The following LDB2 variants were observed in gnomAD, a reference collection of about 807,000 sequenced individuals.
LDB2 encodes LIM domain binding 2, also known as LIM domain-binding protein 2.
A neutral mutation model predicts 44.3 loss-of-function variants in LDB2; 12 were observed. The observed-to-expected ratio is 0.27, with a 90% CI of 0.17 to 0.44. The LOEUF (loss-of-function observed/expected upper bound fraction) is 0.44, where lower values mean the gene tolerates loss of function less well. LDB2 is among the 20% of genes least tolerant of loss of function. The pLI is 1.00. For missense variants in LDB2, 344 were observed against 473.5 expected (o/e 0.73, Z 2.54); for synonymous variants, 164 against 174.8 (o/e 0.94, Z 0.49).
intron 1 of LDB2, among the ~76,000 whole-genome samples, chr4:16,890,381 G>A (rs566254028): frequency 6.6e-6 from 1 of 152,288 alleles, no homozygotes; most frequent in African/African-American, 2.4e-5. Context: ...TTAAGAGGCC[G>A]TCCTGATTCC....
At chr4:16,560,762 C>T (rs1342946840) in intron 5 of LDB2, among the ~76,000 whole-genome samples, 1 of 151,932 alleles carries the variant, frequency 6.6e-6, no homozygotes, top group Non-Finnish European at 1.5e-5. Context: ...GAGACACAAC[C>T]AAAAAAGAGA....
intron 1 of LDB2, among the ~76,000 whole-genome samples, chr4:16,850,010 A>G (rs562152517): frequency 6.6e-6 from 1 of 152,316 alleles, no homozygotes; most frequent in African/African-American, 2.4e-5. Context: ...TCCAACATAT[A>G]TTAATAAACT....
At chr4:16,690,913 A>G (rs1040787312) in intron 2 of LDB2, among the ~76,000 whole-genome samples, 8 of 152,216 alleles carry the variant, frequency 5.3e-5, no homozygotes, top group African/African-American at 1.9e-4. Context: ...CTTGAGTCAG[A>G]TAGACCGTTT....
intron 3 of LDB2, among the ~76,000 whole-genome samples, chr4:16,593,545 G>A (rs1225946663): frequency 6.6e-6 from 1 of 152,008 alleles, no homozygotes; most frequent in African/African-American, 2.4e-5. Flanking sequence ...AAAAATAAAT[G>A]TGCATAATTA....
chr4:16,652,454 A>G (rs1738554368), intron 2 of LDB2, among the ~76,000 whole-genome samples: 1 of 152,182 alleles, frequency 6.6e-6, no homozygotes, highest in Non-Finnish European at 1.5e-5. Context: ...TTGCCGAGTG[A>G]GAAGCCCTGG....
chr4:16,773,208 G>C (rs1017904715), intron 1 of LDB2, among the ~76,000 whole-genome samples: 1 of 152,194 alleles, frequency 6.6e-6, no homozygotes, highest in Admixed American at 6.5e-5. Flanking sequence ...GCTATAAGCC[G>C]TCAGTCCCCA....
At chr4:16,625,446 T>G (rs975669085) in intron 2 of LDB2, among the ~76,000 whole-genome samples, 5 of 152,204 alleles carry the variant, frequency 3.3e-5, no homozygotes, top group Non-Finnish European at 7.3e-5. Flanking sequence ...TTCATGAGAC[T>G]GTAAGCTCTT....
chr4:16,504,927 C>T (rs1056398530), intron 7 of LDB2, among the ~76,000 whole-genome samples: 3 of 152,140 alleles, frequency 2.0e-5, no homozygotes, highest in Non-Finnish European at 2.9e-5. Context: ...CGTAAGGCGT[C>T]ACAGGGCAGG....
At chr4:16,739,586 AAAAAT>A (rs1346650955) in intron 2 of LDB2, among the ~76,000 whole-genome samples, 4 of 72,358 alleles carry the variant, frequency 5.5e-5, no homozygotes, top group Admixed American at 1.5e-4. Flanking sequence ...AAAAAAAAAA[AAAAAT>A]ATATATATAT....
chr4:16,705,617 G>C (rs964827410), intron 2 of LDB2, among the ~76,000 whole-genome samples: 2 of 152,188 alleles, frequency 1.3e-5, no homozygotes, highest in African/African-American at 4.8e-5. Context: ...GAAAAATATA[G>C]AGGCTTTTTG....
chr4:16,865,946 A>G (rs1009648269), intron 1 of LDB2, among the ~76,000 whole-genome samples: 1 of 152,116 alleles, frequency 6.6e-6, no homozygotes, highest in African/African-American at 2.4e-5. Context: ...CCCCTGCTCC[A>G]GTGTTCCCCT....
chr4:16,745,445 T>C (rs1279983206), intron 2 of LDB2, among the ~76,000 whole-genome samples: 2 of 152,222 alleles, frequency 1.3e-5, no homozygotes, highest in African/African-American at 4.8e-5. Context: ...TAAGCATAAA[T>C]CTTCAAATTT....
chr4:16,539,116 G>A (rs1732864456), intron 5 of LDB2, among the ~76,000 whole-genome samples: 1 of 152,192 alleles, frequency 6.6e-6, no homozygotes, highest in South Asian at 2.1e-4. Flanking sequence ...TATGTATGTA[G>A]GGAGGTACCC....
chr4:16,769,429 T>C (rs1432814173), intron 1 of LDB2, among the ~76,000 whole-genome samples: 1 of 152,056 alleles, frequency 6.6e-6, no homozygotes, highest in Non-Finnish European at 1.5e-5. Flanking sequence ...CCCGAGTAGC[T>C]GGGATTACAG....
At chr4:16,635,182 C>A (rs929504011) in intron 2 of LDB2, among the ~76,000 whole-genome samples, 5 of 151,952 alleles carry the variant, frequency 3.3e-5, no homozygotes, top group Admixed American at 6.6e-5. Context: ...AGGAGAAATA[C>A]CTAATGTAGG....
At chr4:16,564,890 C>T (rs1324037690) in intron 5 of LDB2, among the ~76,000 whole-genome samples, 1 of 152,044 alleles carries the variant, frequency 6.6e-6, no homozygotes, top group Non-Finnish European at 1.5e-5. Context: ...AGAATATTAC[C>T]CAAATGGTCA....
At chr4:16,693,301 G>T (rs1029590491) in intron 2 of LDB2, among the ~76,000 whole-genome samples, 3 of 151,042 alleles carry the variant, frequency 2.0e-5, no homozygotes, top group Non-Finnish European at 4.4e-5. Flanking sequence ...TTCTGACAGG[G>T]TTATGCCCTT....
intron 1 of LDB2, among the ~76,000 whole-genome samples, chr4:16,797,188 C>T (rs981798955): frequency 6.6e-6 from 1 of 152,198 alleles, no homozygotes; most frequent in Admixed American, 6.5e-5. Context: ...TCAGCCCGCC[C>T]TGTATGAGGG....
intron 3 of LDB2, among the ~76,000 whole-genome samples, chr4:16,591,505 A>G (rs551383181): frequency 6.6e-6 from 1 of 152,300 alleles, no homozygotes; most frequent in East Asian, 1.9e-4. Context: ...TGAGTTGACT[A>G]CGCTGGATGT....
Sources: allele counts gnomAD v4.1 joint callset (sites outside exome capture counted in the v4.1 genomes callset), GRCh38; gene constraint gnomAD v4.1.1; transcripts MANE v1.5; gene names NCBI Gene and HGNC (gene_info 2026-07-23, HGNC 2026-07-21).